The following C19orf38 variants were observed in gnomAD, a reference collection of about 807,000 sequenced individuals.
The protein encoded by C19orf38 is chromosome 19 open reading frame 38, also known as protein HIDE1.
A neutral mutation model predicts 26.6 loss-of-function variants in C19orf38; 14 were observed. The observed-to-expected ratio is 0.53, with a 90% confidence interval of 0.35 to 0.82. C19orf38 has a LOEUF of 0.82. C19orf38 is among the 40% of genes least tolerant of loss of function. C19orf38 has a pLI of 0.01. For missense variants in C19orf38, 261 were observed against 299.5 expected (o/e 0.87, Z 0.95); for synonymous variants, 132 against 128.5 (o/e 1.03, Z -0.18).
intron 3 of C19orf38, among the ~76,000 whole-genome samples, chr19:10,857,339 C>CATAT (rs1215628613): frequency 0.011 from 602 of 53,990 alleles, 22 homozygotes; most frequent in Non-Finnish European, 0.013. Flanking sequence ...CACACACATA[C>CATAT]ATATATATAT....
At chr19:10,859,380 ATATATTTTTTTTT>A (rs1400122954) in intron 4 of C19orf38, among the ~76,000 whole-genome samples, 4 of 34,378 alleles carry the variant, frequency 1.2e-4, no homozygotes, top group African/African-American at 6.1e-4. Context: ...ATATATATAT[ATATATTTTTTTTT>A]TTTTTTTTAG....
chr19:10,838,151 C>G (rs575300590), intron 1 of C19orf38, among the ~76,000 whole-genome samples: 2 of 152,286 alleles, frequency 1.3e-5, no homozygotes, highest in Non-Finnish European at 2.9e-5. Flanking sequence ...TGGCTTACAC[C>G]TGTAATCCCA....
chr19:10,844,402 CA>C (rs1249868993), upstream of C19orf38, among the ~76,000 whole-genome samples: 255 of 65,066 alleles, frequency 3.9e-3, no homozygotes, highest in South Asian at 6.4e-3. Flanking sequence ...GACTCCGTCT[CA>C]AAAAAAAAAA....
intron 6 of C19orf38, among the ~76,000 whole-genome samples, chr19:10,865,121 C>T (rs2073739131): frequency 6.6e-6 from 1 of 152,086 alleles, no homozygotes; most frequent in African/African-American, 2.4e-5. Flanking sequence ...GGTGATGCCC[C>T]CTCTCCCCAC....
chr19:10,844,411 A>AG, upstream of C19orf38, among the ~76,000 whole-genome samples: 1 of 140,516 alleles, frequency 7.1e-6, no homozygotes, highest in Non-Finnish European at 1.6e-5. Context: ...TCAAAAAAAA[A>AG]AAAAAAAAAA....
chr19:10,856,475 A>C, intron 3 of C19orf38, 118 bp downstream of exon 3: 1 of 647,636 alleles, frequency 1.5e-6, no homozygotes, highest in East Asian at 3.1e-5. Context: ...TTTGTTCATC[A>C]CACCCCTTTT....
intron 5 of C19orf38, among the ~76,000 whole-genome samples, chr19:10,861,572 A>G (rs2073699201): frequency 6.6e-6 from 1 of 151,816 alleles, no homozygotes; most frequent in South Asian, 2.1e-4. Flanking sequence ...CCCCTGAGGA[A>G]GTGATGTTTT....
chr19:10,848,279 A>C (rs766389216), upstream of C19orf38: 2 of 530,714 alleles, frequency 3.8e-6, no homozygotes, highest in Non-Finnish European at 6.8e-6. Flanking sequence ...GCAGAACCGC[A>C]ACCAGAGAGG....
rs553153075 is a variant in C19orf38 at position 10,836,771 on chromosome 19, G to C, written c.-69+1G>C. ...GAGGCATCAGCGTATCAGTTTCCTC[G>C]TAAGTCGGGAGTGATGGAACGACCA... On this transcript the variant is annotated splice_donor_variant, in intron 1 of 7. Coordinates refer to the C19orf38 transcript ENST00000592854. LOFTEE classifies it low-confidence loss of function (5UTR_SPLICE). The C allele has an allele frequency of 1.3e-5, 2 of 152,606 alleles. No individual in the cohort carries two copies. Among genetic ancestry groups the C allele is most frequent in the African/African-American group, 2.4e-5 (1 of 41,448 alleles). 9.5% of individuals were successfully genotyped at this position (152,606 alleles called of 1,614,324 possible).
chr19:10,867,641 CTTTTTTTTT>C (rs953156656), intron 6 of C19orf38, among the ~76,000 whole-genome samples: 5 of 58,840 alleles, frequency 8.5e-5, no homozygotes, highest in African/African-American at 1.3e-4. Flanking sequence ...GAAGAACATT[CTTTTTTTTT>C]TTTTTTTTTT....
At chr19:10,855,949 T>C (rs1599665020) in intron 2 of C19orf38, among the ~76,000 whole-genome samples, 1 of 152,144 alleles carries the variant, frequency 6.6e-6, no homozygotes, top group African/African-American at 2.4e-5. Flanking sequence ...CAGGCATGAA[T>C]CACCGCACCT....
chr19:10,852,585 A>G (rs1285925399), intron 2 of C19orf38, among the ~76,000 whole-genome samples: 1 of 152,040 alleles, frequency 6.6e-6, no homozygotes, highest in African/African-American at 2.4e-5. Flanking sequence ...GGAGCCAATC[A>G]TGTGGATATC....
chr19:10,852,799 G>A (rs2073586139), intron 2 of C19orf38, among the ~76,000 whole-genome samples: 1 of 152,076 alleles, frequency 6.6e-6, no homozygotes, highest in Admixed American at 6.6e-5. Context: ...ACCTGAGTGA[G>A]GGAACCCTGG....
rs186865012 is a variant in C19orf38 at position 10,838,490 on chromosome 19, A to G, written c.-69+1720A>G. On this transcript the variant is annotated intron_variant, in intron 1 of 7. Coordinates refer to the C19orf38 transcript ENST00000592854. ...ATTCCAGTGTTGTGCAGTGACTTCT[A>G]TGTAGTTCCAAAACATTTTCATCGG... 1.7e-3 allele frequency among the ~76,000 whole-genome samples: 262 copies of G among 152,322 alleles called. 2 individuals carry two copies. The highest frequency in any genetic ancestry group is 6.1e-3 in the African/African-American group (252 of 41,574).
chr19:10,838,160 C>T (rs2073451048), intron 1 of C19orf38, among the ~76,000 whole-genome samples: 1 of 152,090 alleles, frequency 6.6e-6, no homozygotes, highest in Non-Finnish European at 1.5e-5. Flanking sequence ...CCTGTAATCC[C>T]AACACTTTTG....
At chr19:10,853,621 G>A (rs1264867567) in intron 2 of C19orf38, among the ~76,000 whole-genome samples, 6 of 132,436 alleles carry the variant, frequency 4.5e-5, no homozygotes, top group Admixed American at 7.8e-5. Context: ...AGACAGTCTC[G>A]GTCTGTCGCC....
chr19:10,859,468 C>T (rs545803938), intron 4 of C19orf38, among the ~76,000 whole-genome samples: 41 of 145,156 alleles, frequency 2.8e-4, no homozygotes, highest in Non-Finnish European at 4.9e-4. Context: ...CTGCAACCTC[C>T]GCCTCCTGGG....
At chr19:10,841,797 A>AT in intron 1 of C19orf38, 1 of 1,038,326 alleles carries the variant, frequency 9.6e-7, no homozygotes, top group South Asian at 1.3e-5. Flanking sequence ...GCATAGTGAG[A>AT]TCCCATCTCC....
intron 2 of C19orf38, among the ~76,000 whole-genome samples, chr19:10,851,952 G>T (rs1228822939): frequency 6.8e-6 from 1 of 147,440 alleles, no homozygotes; most frequent in African/African-American, 2.5e-5. Flanking sequence ...TCCGGCCTGG[G>T]CGACAGAGCG....
Sources: allele counts gnomAD v4.1 joint callset (sites outside exome capture counted in the v4.1 genomes callset), GRCh38; gene constraint gnomAD v4.1.1; transcripts MANE v1.5; gene names NCBI Gene and HGNC (gene_info 2026-07-23, HGNC 2026-07-21).